The following STARD8 variants were observed in gnomAD, a reference collection of about 807,000 sequenced individuals.
STARD8 encodes the protein stAR-related lipid transfer protein 8.
Under a neutral mutation model 69.4 loss-of-function variants are expected in STARD8, and 25 were observed. The ratio of observed to expected loss-of-function variants is 0.36; its 90% CI spans 0.26 to 0.50. The LOEUF (loss-of-function observed/expected upper bound fraction) is 0.50. Among genes scored for constraint, STARD8 ranks in the 20% least tolerant of loss-of-function variants. The pLI, the probability that STARD8 is intolerant of heterozygous loss-of-function variation, is 0.96. For missense variants in STARD8, 921 were observed against 932.5 expected (o/e 0.99, Z 0.16); for synonymous variants, 389 against 374.6 (o/e 1.04, Z -0.45).
intron 1 of STARD8, among the ~76,000 whole-genome samples, chrX:68,658,817 C>G (rs904297079): frequency 8.9e-6 from 1 of 112,657 alleles, no homozygotes; most frequent in Non-Finnish European, 1.9e-5. Context: ...CTGGGCAGCC[C>G]TTGAGCTGTT....
chrX:68,719,125 T>C (rs965936794), intron 6 of STARD8, 100 bp from the exon 7 acceptor site: 8 of 975,150 alleles, frequency 8.2e-6, no homozygotes, highest in Admixed American at 4.3e-5. Context: ...CTGCATTTTT[T>C]CTTTGGGGAG....
chrX:68,690,883 T>C (rs2079872105), intron 2 of STARD8, among the ~76,000 whole-genome samples: 1 of 112,279 alleles, frequency 8.9e-6, no homozygotes, highest in Non-Finnish European at 1.9e-5. Flanking sequence ...TCTTAAGTGT[T>C]TACTTAGCCT....
chrX:68,693,033 G>A (rs2079888148), intron 2 of STARD8, among the ~76,000 whole-genome samples: 2 of 112,891 alleles, frequency 1.8e-5, no homozygotes, highest in African/African-American at 6.4e-5. Flanking sequence ...GGACTTTCTG[G>A]TGGTGCTTAC....
chrX:68,697,104 C>T (rs1327122427), intron 2 of STARD8, among the ~76,000 whole-genome samples: 3 of 112,020 alleles, frequency 2.7e-5, no homozygotes, highest in African/African-American at 9.8e-5. Context: ...ATCAGTTCAT[C>T]TATACATATT....
At chrX:68,688,038 A>ACC (rs1252474675) in intron 2 of STARD8, among the ~76,000 whole-genome samples, 1 of 112,849 alleles carries the variant, frequency 8.9e-6, no homozygotes, top group African/African-American at 3.2e-5. Flanking sequence ...ATGTTATGGG[A>ACC]ATGGCTGATG....
intron 1 of STARD8, among the ~76,000 whole-genome samples, chrX:68,659,749 A>G (rs1396175927): frequency 9.0e-6 from 1 of 111,617 alleles, no homozygotes; most frequent in African/African-American, 3.3e-5. Context: ...TGCTGTGGAC[A>G]TGAGGACTGT....
chrX:68,693,420 G>C (rs1198666956), intron 2 of STARD8, among the ~76,000 whole-genome samples: 1 of 112,821 alleles, frequency 8.9e-6, no homozygotes, highest in Non-Finnish European at 1.9e-5. Flanking sequence ...GTCACTGCTT[G>C]AGCCTCAGTC....
intron 13 of STARD8, 42 bp downstream of exon 13, chrX:68,723,885 G>A (rs376510419): frequency 1.3e-5 from 16 of 1,203,725 alleles, no homozygotes; most frequent in African/African-American, 1.0e-4. Context: ...TTGGGGGGCC[G>A]GAGAAGTGGG....
At position 68,718,562 on chromosome X, in the gene STARD8, C is replaced by T; in HGVS notation, c.1648C>T (p.Leu550Phe). The T allele has an allele frequency of 8.3e-7, 1 of 1,211,773 alleles. No homozygotes were observed. Among genetic ancestry groups the T allele is most frequent in the Non-Finnish European group, 1.1e-6 (1 of 895,374 alleles). The change falls in exon 6 of 15, where the codon CTC (leucine) becomes TTC (phenylalanine). Residue 550 changes from leucine (L) to phenylalanine (F), a missense_variant. By Grantham distance (22) the Leu-to-Phe change is conservative. Transcript: ENST00000374599. ...EAEAAGPLAG[L>F]QASMPRERRD... is the part of the protein sequence containing the mutation. ...TGAGGCTGCGGGGCCCCTGGCTGGACTCCAGGCATCAATGCCCCGTGAACG... is the reference window on the plus strand; with the variant it reads ...TGAGGCTGCGGGGCCCCTGGCTGGATTCCAGGCATCAATGCCCCGTGAACG...
intron 2 of STARD8, among the ~76,000 whole-genome samples, chrX:68,710,397 T>C (rs1457529474): frequency 2.7e-5 from 3 of 112,311 alleles, no homozygotes; most frequent in Non-Finnish European, 3.8e-5. Flanking sequence ...TTTCAAACTT[T>C]AATGTGTTTG....
rs140974739 is a variant in STARD8 at position 68,699,305 on chromosome X, A to C, written c.80-13609A>C. Among the ~76,000 whole-genome samples the C allele has an allele frequency of 6.0e-3, 674 of 112,450 alleles. 7 individuals are homozygous for C. Among genetic ancestry groups the C allele is most frequent in the African/African-American group, 0.021 (643 of 31,023 alleles). On this transcript the variant is annotated intron_variant, in intron 2 of 14. Coordinates refer to ENST00000374599, the MANE Select transcript of STARD8 (RefSeq NM_001142503.3). ...GGACCTTTAGAGGGCACTAGGTCCA[A>C]CTTTCCTTCTGAAGCTTGGGGCTTC...
At chrX:68,680,173 G>C (rs1242962426) in intron 2 of STARD8, among the ~76,000 whole-genome samples, 1 of 111,929 alleles carries the variant, frequency 8.9e-6, no homozygotes, top group Non-Finnish European at 1.9e-5. Flanking sequence ...ACCTGATCTC[G>C]TGAGCTACTC....
In STARD8 at chrX:68,721,747, G is replaced by A; in HGVS notation, c.2459+1G>A. On this transcript the variant is annotated splice_donor_variant, in intron 10 of 14. Coordinates refer to ENST00000374599, the MANE Select transcript of STARD8 (RefSeq NM_001142503.3). LOFTEE classifies it high-confidence loss of function. ...CTAAGAAGGATAGCCCCTCTCCCAGGTGAAATGGTGCACGGCATGTCAGGG... is the reference window on the plus strand; with the variant it reads ...CTAAGAAGGATAGCCCCTCTCCCAGATGAAATGGTGCACGGCATGTCAGGG... 1 of 1,208,382 alleles carries A rather than the reference G, an allele frequency of 8.3e-7. No individual in the cohort carries two copies. Among genetic ancestry groups the A allele is most frequent in the Non-Finnish European group, 1.1e-6 (1 of 893,105 alleles).
chrX:68,686,277 G>T (rs2079831541), intron 2 of STARD8, among the ~76,000 whole-genome samples: 1 of 110,810 alleles, frequency 9.0e-6, no homozygotes, highest in African/African-American at 3.3e-5. Context: ...TTGCGACTGA[G>T]GGGGCGGGGA....
chrX:68,689,506 C>G (rs759333903), intron 2 of STARD8, among the ~76,000 whole-genome samples: 1 of 112,372 alleles, frequency 8.9e-6, no homozygotes, highest in Non-Finnish European at 1.9e-5. Flanking sequence ...GACAGGTCCC[C>G]GCGTATCTGG....
chrX:68,717,732 A>G lies in STARD8; in HGVS notation c.818A>G (p.Asn273Ser), dbSNP rs1333341666. 8.3e-7 allele frequency: 1 copy of G among 1,210,759 alleles called. No homozygotes were observed. Among genetic ancestry groups the G allele is most frequent in the African/African-American group, 1.7e-5 (1 of 57,409 alleles). Reference protein sequence around the residue: ...AATSAGGSGANTRKAWEAWPV... With the variant: ...AATSAGGSGASTRKAWEAWPV... ...ACCTCAGCCGGTGGCAGTGGTGCCA[A>G]TACTCGGAAGGCCTGGGAGGCCTGG... The change falls in exon 6 of 15, where the codon AAT (asparagine) becomes AGT (serine). Residue 273 changes from asparagine to serine, a missense_variant. Asn to Ser is a conservative substitution (Grantham distance 46). Transcript: ENST00000374599.
chrX:68,718,775 G>A, intron 6 of STARD8, 146 bp downstream of exon 6: 3 of 1,043,308 alleles, frequency 2.9e-6, no homozygotes, highest in East Asian at 3.4e-5. Context: ...AGAGAGTACA[G>A]GACTTGGGAA....
At chrX:68,724,242 C>A (rs747614070) in intron 14 of STARD8, 63 bp from the exon 15 acceptor site, 13 of 1,177,524 alleles carry the variant, frequency 1.1e-5, no homozygotes, top group African/African-American at 1.8e-5. Flanking sequence ...TTTCTTCCTT[C>A]TCCCTGGTGA....
intron 2 of STARD8, among the ~76,000 whole-genome samples, chrX:68,687,753 T>TG (rs1463267298): frequency 1.8e-5 from 2 of 112,085 alleles, no homozygotes; most frequent in African/African-American, 6.5e-5. Flanking sequence ...CCTTGGGTGT[T>TG]GGGGGCCAGG....
Sources: allele counts gnomAD v4.1 joint callset (sites outside exome capture counted in the v4.1 genomes callset), GRCh38; gene constraint gnomAD v4.1.1; transcripts MANE v1.5; gene names NCBI Gene and HGNC (gene_info 2026-07-23, HGNC 2026-07-21).